Variants in KDM4C observed in about 807,000 individuals in gnomAD.
The protein encoded by KDM4C is lysine demethylase 4C.
In KDM4C, 81 loss-of-function variants were observed where a neutral mutation model predicts 129.3. The ratio of observed to expected loss-of-function variants is 0.63; its 90% CI spans 0.52 to 0.75. The LOEUF is 0.75. Among genes scored for constraint, KDM4C ranks in the 30% least tolerant of loss-of-function variants. The pLI, the probability that KDM4C is intolerant of heterozygous loss-of-function variation, is 0.00. For missense variants in KDM4C, 1,457 were observed against 1,304.0 expected (o/e 1.12, Z -1.81); for synonymous variants, 573 against 456.1 (o/e 1.26, Z -3.26).
chr9:7,159,988 C>G lies in KDM4C; in HGVS notation c.2782-5250C>G, dbSNP rs1057345995. Among the ~76,000 whole-genome samples, 15 of 152,180 alleles carry G rather than the reference C, an allele frequency of 9.9e-5. No homozygotes were observed. The South Asian group carries it at 1.7e-3, about 17-fold the overall frequency. On this transcript the variant is annotated intron_variant, in intron 19 of 21. Coordinates refer to ENST00000381309, the MANE Select transcript of KDM4C (RefSeq NM_015061.6). ...TACACCAATCAAATGCAGATTTGGT[C>G]TTTTCACATAGACCCATATTTCTTG...
At chr9:6,904,999 A>G (rs997714710) in intron 8 of KDM4C, among the ~76,000 whole-genome samples, 3 of 152,258 alleles carry the variant, frequency 2.0e-5, no homozygotes, top group Non-Finnish European at 2.9e-5. Context: ...CAAAATGCTA[A>G]CTGCAATAAC....
At position 7,154,121 on chromosome 9, in the gene KDM4C, C is replaced by T. The variant is rs114597446; in HGVS notation, c.2782-11117C>T. On this transcript the variant is annotated intron_variant, in intron 19 of 21. Transcript: ENST00000381309. ...TGGCAGTGTTCAGTGACTGTGATGTCAGGCCAGCTCAGCCCCCATTAGACT... is the reference window on the plus strand; with the variant it reads ...TGGCAGTGTTCAGTGACTGTGATGTTAGGCCAGCTCAGCCCCCATTAGACT... Among the ~76,000 whole-genome samples, 230 of 152,314 alleles carry T rather than the reference C, an allele frequency of 1.5e-3. 1 individual carries two copies. Among genetic ancestry groups the T allele is most frequent in the African/African-American group, 5.1e-3 (210 of 41,568 alleles).
chr9:7,100,699 T>C (rs1256048454), intron 17 of KDM4C, among the ~76,000 whole-genome samples: 1 of 152,178 alleles, frequency 6.6e-6, no homozygotes, highest in Non-Finnish European at 1.5e-5. Flanking sequence ...TTTAAAATAA[T>C]TACCTCATGT....
chr9:6,888,799 T>TCATAATCC (rs1302537078), intron 7 of KDM4C, among the ~76,000 whole-genome samples: 7 of 30,070 alleles, frequency 2.3e-4, no homozygotes, highest in African/African-American at 5.0e-4. Context: ...TTTTTTTTTT[T>TCATAATCC]TTTTTTGAGA....
At chr9:6,864,884 G>A (rs1841640762) in intron 5 of KDM4C, among the ~76,000 whole-genome samples, 1 of 149,942 alleles carries the variant, frequency 6.7e-6, no homozygotes, top group Non-Finnish European at 1.5e-5. Context: ...TCTTTCCTCT[G>A]CTTGATCAAT....
chr9:7,095,079 G>T (rs1836266603), intron 17 of KDM4C, among the ~76,000 whole-genome samples: 1 of 152,192 alleles, frequency 6.6e-6, no homozygotes. Context: ...ATCTACAAAG[G>T]TTCATCTAAA....
At chr9:7,018,080 A>G (rs1824005152) in intron 15 of KDM4C, among the ~76,000 whole-genome samples, 1 of 152,232 alleles carries the variant, frequency 6.6e-6, no homozygotes, top group Admixed American at 6.5e-5. Flanking sequence ...ACAGGGATAC[A>G]TTCTGAGAAA....
intron 15 of KDM4C, among the ~76,000 whole-genome samples, chr9:7,034,873 T>G (rs1379064428): frequency 6.6e-6 from 1 of 152,234 alleles, no homozygotes; most frequent in African/African-American, 2.4e-5. Flanking sequence ...ACATTCTCAC[T>G]GGGGTGAAAG....
At chr9:6,966,045 T>C (rs1044779645) in intron 8 of KDM4C, among the ~76,000 whole-genome samples, 3 of 152,258 alleles carry the variant, frequency 2.0e-5, no homozygotes, top group Non-Finnish European at 4.4e-5. Context: ...CAGCATGCTT[T>C]TTTTATTAAA....
chr9:6,890,384 C>T (rs140028072), intron 7 of KDM4C, among the ~76,000 whole-genome samples: 2,062 of 152,310 alleles, frequency 0.014, 37 homozygotes, highest in Non-Finnish European at 0.017. Flanking sequence ...TCTTCCTCTT[C>T]AACTCAGCCC....
chr9:7,034,245 G>A (rs1335367435), intron 15 of KDM4C, among the ~76,000 whole-genome samples: 3 of 152,074 alleles, frequency 2.0e-5, no homozygotes, highest in Non-Finnish European at 4.4e-5. Flanking sequence ...ATTTGAAATT[G>A]TATGTTATTG....
chr9:7,124,833 A>T (rs1839868960), intron 18 of KDM4C, among the ~76,000 whole-genome samples: 1 of 152,178 alleles, frequency 6.6e-6, no homozygotes, highest in Admixed American at 6.6e-5. Context: ...TTGTTCTGTC[A>T]GGTGTGTGGG....
Position 6,963,503 on chromosome 9 carries a change from G to A in KDM4C, c.922-17422G>A, listed in dbSNP as rs150318605. 7.2e-4 allele frequency among the ~76,000 whole-genome samples: 109 copies of A among 152,290 alleles called. No homozygotes were observed. In the East Asian group the frequency reaches 0.012, roughly 17 times the overall value. On this transcript the variant is annotated intron_variant, in intron 8 of 21. Coordinates refer to ENST00000381309, the MANE Select transcript of KDM4C (RefSeq NM_015061.6). ...TGGCATTGAGTTGTTTGTGGTAGGG[G>A]AGCTGACCTAGTCTATGGGCATTTA...
chr9:6,978,289 G>C (rs1192759003), intron 8 of KDM4C, among the ~76,000 whole-genome samples: 1 of 151,968 alleles, frequency 6.6e-6, no homozygotes, highest in Non-Finnish European at 1.5e-5. Flanking sequence ...AAATTGATAT[G>C]ATGTAATCTT....
intron 5 of KDM4C, among the ~76,000 whole-genome samples, chr9:6,869,725 A>G (rs540714932): frequency 1.1e-4 from 16 of 152,290 alleles, no homozygotes; most frequent in African/African-American, 3.8e-4. Flanking sequence ...TTCAAGGGGT[A>G]TGTTCTTGGG....
chr9:7,173,821 A>C (rs1472925080), intron 21 of KDM4C, among the ~76,000 whole-genome samples: 1 of 152,214 alleles, frequency 6.6e-6, no homozygotes. Flanking sequence ...GGACTTTGTG[A>C]TGCCTGCTGG....
chr9:7,149,924 T>C (rs1842575013), intron 19 of KDM4C, among the ~76,000 whole-genome samples: 1 of 152,186 alleles, frequency 6.6e-6, no homozygotes, highest in Non-Finnish European at 1.5e-5. Flanking sequence ...TTAAGTAGTT[T>C]TTATATTTGG....
intron 19 of KDM4C, among the ~76,000 whole-genome samples, chr9:7,142,579 A>G (rs1420516517): frequency 6.6e-6 from 1 of 152,206 alleles, no homozygotes; most frequent in African/African-American, 2.4e-5. Context: ...TCTCATTTTG[A>G]GATTCATTTA....
intron 1 of KDM4C, among the ~76,000 whole-genome samples, chr9:6,790,919 C>G (rs960041019): frequency 2.0e-5 from 3 of 152,096 alleles, no homozygotes; most frequent in Non-Finnish European, 2.9e-5. Flanking sequence ...TAAAACCTGC[C>G]TACTTTCCTA....
Sources: allele counts gnomAD v4.1 joint callset (sites outside exome capture counted in the v4.1 genomes callset), GRCh38; gene constraint gnomAD v4.1.1; transcripts MANE v1.5; gene names NCBI Gene and HGNC (gene_info 2026-07-23, HGNC 2026-07-21).